Variants in SLC22A3 observed in about 807,000 individuals in gnomAD.
SLC22A3 encodes the protein solute carrier family 22 member 3.
In SLC22A3, 51 loss-of-function variants were observed where a neutral mutation model predicts 59.1. The ratio of observed to expected loss-of-function variants is 0.86; its 90% CI spans 0.69 to 1.09. SLC22A3 has a LOEUF of 1.09. Ranked by LOEUF, SLC22A3 falls within the 50% of genes least tolerant of loss-of-function variation. The pLI is 0.00. For synonymous variants in SLC22A3, 325 were observed against 292.0 expected, an observed-to-expected ratio of 1.11 and a Z score of -1.15; for missense variants, 711 against 726.3, an observed-to-expected ratio of 0.98 and a Z score of 0.24.
chr6:160,401,308 G>C (rs867721728), intron 2 of SLC22A3, among the ~76,000 whole-genome samples: 4 of 151,936 alleles, frequency 2.6e-5, no homozygotes, highest in South Asian at 2.1e-4. Flanking sequence ...AAAGAAGAGT[G>C]GGGGGATAAT....
At chr6:160,424,480 G>A (rs1787876801) in intron 5 of SLC22A3, among the ~76,000 whole-genome samples, 1 of 152,164 alleles carries the variant, frequency 6.6e-6, no homozygotes, top group Non-Finnish European at 1.5e-5. Context: ...GTCACTGTAA[G>A]CACAAATAAG....
intron 1 of SLC22A3, among the ~76,000 whole-genome samples, chr6:160,367,688 C>T (rs747835386): frequency 7.2e-5 from 11 of 152,182 alleles, no homozygotes; most frequent in Non-Finnish European, 1.3e-4. Context: ...CTGAAATGCA[C>T]TAATATGCTC....
intron 10 of SLC22A3, 22 bp from the exon 11 acceptor site, chr6:160,450,974 A>G (rs1310408251): frequency 6.4e-7 from 1 of 1,574,526 alleles, no homozygotes; most frequent in African/African-American, 1.4e-5. Context: ...TTTCCTAAAG[A>G]CTTTCTCCTT....
chr6:160,430,469 C>T (rs1788110438), intron 5 of SLC22A3, among the ~76,000 whole-genome samples: 1 of 152,086 alleles, frequency 6.6e-6, no homozygotes, highest in African/African-American at 2.4e-5. Flanking sequence ...AAGACGTCAA[C>T]TTGAAGAAAT....
At position 160,348,649 on chromosome 6, in the gene SLC22A3, C is replaced by T; in HGVS notation, c.230C>T (p.Ala77Val). The change falls in exon 1 of 11, where the codon GCC (alanine) becomes GTC (valine). Residue 77 changes from alanine (A) to valine (V), a missense_variant. Coordinates refer to ENST00000275300, the MANE Select transcript of SLC22A3 (RefSeq NM_021977.4). Reference protein sequence around the residue: ...PEEEWNRTAPASRGPEPPERR... With the variant: ...PEEEWNRTAPVSRGPEPPERR... ...GAGGAGTGGAACCGCACGGCGCCCGCCTCCCGCGGCCCAGAGCCCCCCGAG... is the reference window on the plus strand; with the variant it reads ...GAGGAGTGGAACCGCACGGCGCCCGTCTCCCGCGGCCCAGAGCCCCCCGAG... 6.7e-7 allele frequency: 1 copy of T among 1,503,378 alleles called. No individual in the cohort carries two copies. Among genetic ancestry groups the T allele is most frequent in the Non-Finnish European group, 8.8e-7 (1 of 1,133,978 alleles). 93.1% of individuals were successfully genotyped at this position (1,503,378 alleles called of 1,614,324 possible).
intron 1 of SLC22A3, among the ~76,000 whole-genome samples, chr6:160,362,939 T>C (rs1785069366): frequency 6.7e-6 from 1 of 149,506 alleles, no homozygotes; most frequent in Non-Finnish European, 1.5e-5. Context: ...CCACGGATAC[T>C]TCGTTCCTGC....
chr6:160,441,034 C>A (rs566361511), intron 7 of SLC22A3, among the ~76,000 whole-genome samples: 2 of 151,982 alleles, frequency 1.3e-5, no homozygotes, highest in Non-Finnish European at 2.9e-5. Flanking sequence ...CGGTTATAAA[C>A]CCAAATTGCC....
chr6:160,417,553 T>C (rs1376785860), intron 5 of SLC22A3, among the ~76,000 whole-genome samples: 1 of 152,214 alleles, frequency 6.6e-6, no homozygotes, highest in African/African-American at 2.4e-5. Flanking sequence ...CAGGGGTATC[T>C]GATTGTGGTA....
At chr6:160,442,067 A>G (rs996199148) in intron 7 of SLC22A3, among the ~76,000 whole-genome samples, 1 of 152,236 alleles carries the variant, frequency 6.6e-6, no homozygotes, top group Admixed American at 6.5e-5. Flanking sequence ...AAATTTCTTC[A>G]TACAACCAGA....
intron 5 of SLC22A3, among the ~76,000 whole-genome samples, chr6:160,422,061 C>G (rs1787762038): frequency 6.6e-6 from 1 of 152,210 alleles, no homozygotes; most frequent in African/African-American, 2.4e-5. Context: ...GGCAGGAGTC[C>G]CTGTGTTATT....
At chr6:160,360,558 A>G (rs1784980109) in intron 1 of SLC22A3, among the ~76,000 whole-genome samples, 1 of 152,208 alleles carries the variant, frequency 6.6e-6, no homozygotes, top group African/African-American at 2.4e-5. Flanking sequence ...CTTTCTCTTA[A>G]GAACATAAAC....
At chr6:160,417,989 T>A (rs1038896261) in intron 5 of SLC22A3, among the ~76,000 whole-genome samples, 2 of 152,242 alleles carry the variant, frequency 1.3e-5, no homozygotes, top group Non-Finnish European at 2.9e-5. Flanking sequence ...CTAAGATCGA[T>A]GGCTCTTATG....
intron 1 of SLC22A3, among the ~76,000 whole-genome samples, chr6:160,382,857 TA>T (rs1165022625): frequency 6.6e-6 from 1 of 152,092 alleles, no homozygotes; most frequent in Non-Finnish European, 1.5e-5. Flanking sequence ...ATTACATTAT[TA>T]AAAAAATGGA....
intron 1 of SLC22A3, among the ~76,000 whole-genome samples, chr6:160,358,023 T>G (rs1168822470): frequency 6.6e-6 from 1 of 152,200 alleles, no homozygotes; most frequent in Non-Finnish European, 1.5e-5. Context: ...CCAACCAAGT[T>G]GAATACATTA....
intron 1 of SLC22A3, among the ~76,000 whole-genome samples, chr6:160,382,613 A>G (rs899841253): frequency 6.6e-6 from 1 of 152,184 alleles, no homozygotes; most frequent in Admixed American, 6.5e-5. Flanking sequence ...CTGTCCTCTG[A>G]TATATCAAGC....
At chr6:160,430,576 C>CA (rs931865723) in intron 5 of SLC22A3, among the ~76,000 whole-genome samples, 36 of 152,096 alleles carry the variant, frequency 2.4e-4, no homozygotes, top group African/African-American at 8.5e-4. Context: ...TGATGGAAAA[C>CA]ACAGTCTTGG....
At chr6:160,385,583 G>A (rs1785970860) in intron 1 of SLC22A3, among the ~76,000 whole-genome samples, 1 of 152,282 alleles carries the variant, frequency 6.6e-6, no homozygotes, top group African/African-American at 2.4e-5. Context: ...CCTGCACCCA[G>A]GACCAAGCTT....
At chr6:160,348,987 A>C (rs1309542195) in intron 1 of SLC22A3, 139 bp downstream of exon 1, 8 of 1,508,162 alleles carry the variant, frequency 5.3e-6, no homozygotes, top group Non-Finnish European at 7.1e-6. Flanking sequence ...GGGGACAGAC[A>C]GGATTCAGCG....
intron 1 of SLC22A3, among the ~76,000 whole-genome samples, chr6:160,390,758 T>C (rs1168400041): frequency 1.3e-5 from 2 of 152,200 alleles, no homozygotes; most frequent in Non-Finnish European, 2.9e-5. Context: ...GTGAAACTGA[T>C]AGGAGTATTC....
Sources: gnomAD v4.1 joint callset for allele counts (sites outside exome capture counted in the v4.1 genomes callset) on GRCh38, gnomAD v4.1.1 for gene constraint, MANE v1.5 for transcripts, NCBI Gene and HGNC (gene_info 2026-07-23, HGNC 2026-07-21) for gene names.